The following TRIM33 variants were observed in gnomAD, a reference collection of about 807,000 sequenced individuals.
TRIM33 encodes the protein tripartite motif containing 33.
TRIM33 carries 20 observed loss-of-function variants against 125.4 expected under a neutral mutation model. The observed-to-expected ratio is 0.16, with a 90% CI of 0.11 to 0.23. The LOEUF (loss-of-function observed/expected upper bound fraction) is 0.23, where lower values mean the gene tolerates loss of function less well. Ranked by LOEUF, TRIM33 falls within the 10% of genes least tolerant of loss-of-function variation. TRIM33 has a pLI of 1.00. For missense variants in TRIM33, 920 were observed against 1,411.4 expected (o/e 0.65, Z 5.58); for synonymous variants, 564 against 513.9 (o/e 1.10, Z -1.32).
chr1:114,481,543 A>C (rs935455675), intron 1 of TRIM33, among the ~76,000 whole-genome samples: 17 of 150,994 alleles, frequency 1.1e-4, no homozygotes, highest in African/African-American at 4.1e-4. Context: ...GTGAGCTGAG[A>C]TTGCGCCACT....
In TRIM33 at chr1:114,406,818, C is replaced by G. The variant is rs995935242; in HGVS notation, c.2418+123G>C. On this transcript the variant is annotated intron_variant, in intron 14 of 19. Transcript: ENST00000358465. ...TAGAAAAAGAGATATCTGGCTTGTG[C>G]CAGGCATGAAATTTCAAAAATAAAT... is the stretch of plus-strand genomic sequence containing the variant. The G allele has an allele frequency of 1.5e-5, 14 of 932,844 alleles. No individual in the cohort carries two copies. In the African/African-American group the frequency reaches 2.2e-4, roughly 14 times the overall value. 57.8% of individuals were successfully genotyped at this position (932,844 alleles called of 1,614,324 possible). A position where few individuals can be genotyped will look rare whatever the true frequency, so the allele number is the denominator to read the frequency against.
intron 6 of TRIM33, among the ~76,000 whole-genome samples, chr1:114,428,892 TC>T (rs1436858911): frequency 4.6e-5 from 7 of 151,976 alleles, no homozygotes; most frequent in Non-Finnish European, 1.0e-4. Context: ...TCTCACTCTG[TC>T]CCCCAGGCTG....
Position 114,511,117 on chromosome 1 carries a change from G to T in TRIM33, c.-41C>A. The stretch of plus-strand genomic sequence containing the variant: ...CCCGCCGGACCGCCCCGCGCCGCCC[G>T]CCGCCCGCGTCGCCGCCGCCGCCGC... On this transcript the variant is annotated 5_prime_UTR_variant, in exon 1 of 20. Transcript: ENST00000358465. 1.8e-6 allele frequency: 2 copies of T among 1,128,822 alleles called. No individual in the cohort carries two copies. The highest frequency in any genetic ancestry group is 2.2e-6 in the Non-Finnish European group (2 of 925,418). The allele number at this position is 1,128,822 out of a possible 1,614,324, so 69.9% of individuals were successfully genotyped here. A position where few individuals can be genotyped will look rare whatever the true frequency, so the allele number is the denominator to read the frequency against.
chr1:114,510,748 G>A lies in TRIM33; in HGVS notation c.329C>T (p.Ser110Leu), dbSNP rs1329710533. 9 of 1,523,472 alleles carry A rather than the reference G, an allele frequency of 5.9e-6. No individual in the cohort carries two copies. The highest frequency in any genetic ancestry group is 7.9e-6 in the Non-Finnish European group (9 of 1,140,054). The allele number at this position is 1,523,472 out of a possible 1,614,324, so 94.4% of individuals were successfully genotyped here. ...APASAPAPGPSAGPPPGPPAS... is the reference protein window; with the variant it reads ...APASAPAPGPLAGPPPGPPAS... Reference sequence around the variant, plus strand: ...TGGCGGTCCAGGAGGCGGCCCTGCCGAGGGACCCGGAGCGGGAGCCGAGGC... The same window carrying A: ...TGGCGGTCCAGGAGGCGGCCCTGCCAAGGGACCCGGAGCGGGAGCCGAGGC... The change falls in exon 1 of 20, where the codon TCG (serine) becomes TTG (leucine). Residue 110 changes from serine (S) to leucine (L), a missense_variant. Coordinates refer to ENST00000358465, the MANE Select transcript of TRIM33 (RefSeq NM_015906.4).
chr1:114,434,141 A>T (rs1316919303), intron 4 of TRIM33, among the ~76,000 whole-genome samples: 1 of 152,208 alleles, frequency 6.6e-6, no homozygotes, highest in Non-Finnish European at 1.5e-5. Context: ...ACTGTAATAT[A>T]TAGTTCCTTA....
At chr1:114,419,731 C>T (rs922656614) in intron 11 of TRIM33, among the ~76,000 whole-genome samples, 18 of 152,014 alleles carry the variant, frequency 1.2e-4, no homozygotes, top group Non-Finnish European at 2.2e-4. Context: ...TCAAAGTTTT[C>T]GTTAAATGAG....
At chr1:114,424,351 G>A (rs1647408489) in intron 10 of TRIM33, among the ~76,000 whole-genome samples, 2 of 151,952 alleles carry the variant, frequency 1.3e-5, no homozygotes, top group African/African-American at 2.4e-5. Flanking sequence ...AAATTGAATG[G>A]GTTAACTACA....
At chr1:114,405,972 T>C (rs1234436079) in intron 14 of TRIM33, among the ~76,000 whole-genome samples, 2 of 152,196 alleles carry the variant, frequency 1.3e-5, no homozygotes, top group Non-Finnish European at 2.9e-5. Flanking sequence ...CCTCTGATAA[T>C]GTCTCACTCA....
intron 4 of TRIM33, among the ~76,000 whole-genome samples, chr1:114,456,719 G>T (rs541013438): frequency 6.6e-6 from 1 of 152,258 alleles, no homozygotes; most frequent in South Asian, 2.1e-4. Context: ...TTGATTAGGA[G>T]AAATTTAGAG....
chr1:114,496,551 GA>G (rs1419211265), intron 1 of TRIM33, among the ~76,000 whole-genome samples: 4 of 151,902 alleles, frequency 2.6e-5, no homozygotes, highest in Admixed American at 6.5e-5. Context: ...GGTTGTTTAG[GA>G]AAAAAGTATC....
intron 11 of TRIM33, among the ~76,000 whole-genome samples, chr1:114,416,297 C>CA (rs943124454): frequency 3.3e-5 from 5 of 152,166 alleles, no homozygotes; most frequent in African/African-American, 1.2e-4. Flanking sequence ...TAATGAGATA[C>CA]ATGTACTGTA....
In TRIM33 at chr1:114,405,493, G is replaced by A. The variant is rs561012524; in HGVS notation, c.2685C>T (p.Asn895=). ...PNEDWCAVCQ[N]GGDLLCCEKC... Reference sequence around the variant, plus strand: ...TTTCGCAGCACAAGAGATCTCCTCCGTTTTGGCAGACAGCACACCAGTCTT... The same window carrying A: ...TTTCGCAGCACAAGAGATCTCCTCCATTTTGGCAGACAGCACACCAGTCTT... Residue 895 remains asparagine, a synonymous_variant, in exon 15 of 20, where the codon AAC becomes AAT. Transcript: ENST00000358465. 7.7e-5 allele frequency: 124 copies of A among 1,614,170 alleles called. 2 individuals carry two copies. The South Asian group carries it at 1.1e-3, about 15-fold the overall frequency.
chr1:114,476,419 C>T (rs1364840006), intron 1 of TRIM33, among the ~76,000 whole-genome samples: 1 of 152,010 alleles, frequency 6.6e-6, no homozygotes, highest in Non-Finnish European at 1.5e-5. Context: ...ATACTCAACT[C>T]TATTATTTCC....
In TRIM33 at chr1:114,463,142, T is replaced by C; in HGVS notation, c.885A>G (p.Thr295=). Residue 295 remains threonine (T), a synonymous_variant, in exon 4 of 20, where the codon ACA becomes ACG. Transcript: ENST00000358465. ...GTTCCAATAGCTGACAGTCTCTACA[T>C]GTCAATCTATCACATGTTTCACAGA... is the stretch of plus-strand genomic sequence containing the variant. ...KLFCETCDRL[T]CRDCQLLEHK... The C allele has an allele frequency of 6.2e-7, 1 of 1,612,566 alleles. No homozygotes were observed. The highest frequency in any genetic ancestry group is 2.2e-5 in the East Asian group (1 of 44,818).
intron 1 of TRIM33, among the ~76,000 whole-genome samples, chr1:114,495,309 A>C (rs1652308595): frequency 6.6e-6 from 1 of 152,132 alleles, no homozygotes; most frequent in Non-Finnish European, 1.5e-5. Context: ...AAGGCATCTG[A>C]GTTTGTGCTA....
At chr1:114,502,204 G>A (rs1009734195) in intron 1 of TRIM33, among the ~76,000 whole-genome samples, 18 of 152,146 alleles carry the variant, frequency 1.2e-4, no homozygotes, top group African/African-American at 3.4e-4. Flanking sequence ...CCAAAATGAA[G>A]AACTATAAAT....
At chr1:114,427,102 C>A in intron 8 of TRIM33, 75 bp downstream of exon 8, 1 of 666,540 alleles carries the variant, frequency 1.5e-6, no homozygotes, top group Non-Finnish European at 2.6e-6. Flanking sequence ...AAAATTTTAT[C>A]TAAATTTGCT....
chr1:114,396,216 G>A lies in TRIM33; in HGVS notation c.*1432C>T, dbSNP rs188028201. On this transcript the variant is annotated 3_prime_UTR_variant, in exon 20 of 20. Coordinates refer to ENST00000358465, the MANE Select transcript of TRIM33 (RefSeq NM_015906.4). Reference sequence around the variant, plus strand: ...AGTGTAGAACACACATTTTGAATCTGAGCATCACAAATGAAGAAAAGAAAA... The same window carrying A: ...AGTGTAGAACACACATTTTGAATCTAAGCATCACAAATGAAGAAAAGAAAA... 5.1e-3 allele frequency: 1,033 copies of A among 203,998 alleles called. 4 individuals are homozygous for A. Among genetic ancestry groups the A allele is most frequent in the Non-Finnish European group, 8.9e-3 (878 of 99,096 alleles). The allele number at this position is 203,998 out of a possible 1,614,324, so 12.6% of individuals were successfully genotyped here.
chr1:114,401,534 C>A, intron 16 of TRIM33, 71 bp from the exon 17 acceptor site: 2 of 1,300,004 alleles, frequency 1.5e-6, no homozygotes, highest in Non-Finnish European at 1.1e-6. Context: ...AGAATGAGAA[C>A]TATATCACAA....
Sources: gnomAD v4.1 joint callset for allele counts (sites outside exome capture counted in the v4.1 genomes callset) on GRCh38, gnomAD v4.1.1 for gene constraint, MANE v1.5 for transcripts, NCBI Gene and HGNC (gene_info 2026-07-23, HGNC 2026-07-21) for gene names.